Variants in LRIG1 observed in about 807,000 individuals in gnomAD.
The protein encoded by LRIG1 is leucine-rich repeats and immunoglobulin-like domains protein 1.
LRIG1 carries 48 observed loss-of-function variants against 99.2 expected under a neutral mutation model. That is an observed-to-expected ratio of 0.48 (90% CI 0.38 to 0.62). The LOEUF is 0.62. LRIG1 is among the 20% of genes least tolerant of loss of function. The probability of loss-of-function intolerance (pLI) is 0.00; values close to 1 mark genes in which losing one functional copy is unlikely to be tolerated. For missense variants in LRIG1, 1,646 were observed against 1,434.4 expected (o/e 1.15, Z -2.38); for synonymous variants, 772 against 596.1 (o/e 1.29, Z -4.30).
chr3:66,413,028 G>A lies in LRIG1; in HGVS notation c.648-14C>T, dbSNP rs1475055103. 6.2e-7 allele frequency: 1 copy of A among 1,614,090 alleles called. No individual in the cohort carries two copies. Among genetic ancestry groups the A allele is most frequent in the Admixed American group, 1.7e-5 (1 of 60,020 alleles). ...CGATTGAGGTCCCTAAAGAGATGAA[G>A]CCAGCAGGGTCAGAGTGTCTTATGT... On this transcript the variant is annotated splice_polypyrimidine_tract_variant and intron_variant, in intron 5 of 18. Coordinates refer to ENST00000273261, the MANE Select transcript of LRIG1 (RefSeq NM_015541.3).
chr3:66,475,047 A>G (rs943823300), intron 1 of LRIG1, among the ~76,000 whole-genome samples: 1 of 152,192 alleles, frequency 6.6e-6, no homozygotes, highest in African/African-American at 2.4e-5. Flanking sequence ...CCAAACAGAA[A>G]ATCCAAGCCC....
intron 1 of LRIG1, among the ~76,000 whole-genome samples, chr3:66,497,269 A>C (rs932417079): frequency 2.0e-5 from 3 of 152,228 alleles, no homozygotes; most frequent in Non-Finnish European, 4.4e-5. Context: ...TTTGTGACTA[A>C]ACACTGCTGA....
At chr3:66,446,311 G>T (rs1366397275) in intron 3 of LRIG1, among the ~76,000 whole-genome samples, 1 of 151,928 alleles carries the variant, frequency 6.6e-6, no homozygotes, top group African/African-American at 2.4e-5. Context: ...TTGGTCACAG[G>T]TAGGACACCG....
intron 1 of LRIG1, among the ~76,000 whole-genome samples, chr3:66,498,801 T>C (rs1161907185): frequency 1.3e-5 from 2 of 152,218 alleles, no homozygotes; most frequent in South Asian, 2.1e-4. Flanking sequence ...GTAGTACTTG[T>C]TCATGGAGCA....
chr3:66,380,399 CG>C lies in LRIG1; in HGVS notation c.3145del (p.Arg1049AlafsTer27). On this transcript the variant is annotated frameshift_variant, in exon 19 of 19. Coordinates refer to ENST00000273261, the MANE Select transcript of LRIG1 (RefSeq NM_015541.3). LOFTEE classifies it low-confidence loss of function (END_TRUNC). ...ASSLTSGSPE[R>X]AEAQYLLVSN... Reference sequence around the variant, plus strand: ...AACAAGCAAGTACTGGGCTTCCGCGCGCTCTGGACTGCCTGAAGTTAATGAA... The same window carrying C: ...AACAAGCAAGTACTGGGCTTCCGCGCCTCTGGACTGCCTGAAGTTAATGAA... 1.9e-6 allele frequency: 3 copies of C among 1,614,182 alleles called. No individual in the cohort carries two copies. Among genetic ancestry groups the C allele is most frequent in the Non-Finnish European group, 2.5e-6 (3 of 1,180,038 alleles).
chr3:66,447,166 A>T (rs1703758373), intron 3 of LRIG1, among the ~76,000 whole-genome samples: 1 of 152,222 alleles, frequency 6.6e-6, no homozygotes, highest in African/African-American at 2.4e-5. Context: ...TAAAAATCAC[A>T]TCATGGAGAA....
At chr3:66,382,911 C>T in intron 15 of LRIG1, 71 bp downstream of exon 15, 1 of 1,432,368 alleles carries the variant, frequency 7.0e-7, no homozygotes, top group Non-Finnish European at 9.5e-7. Context: ...GCCACTGGAA[C>T]CCGGCCCAGT....
At chr3:66,499,219 C>A (rs1387245997) in intron 1 of LRIG1, among the ~76,000 whole-genome samples, 2 of 152,070 alleles carry the variant, frequency 1.3e-5, no homozygotes, top group Non-Finnish European at 2.9e-5. Flanking sequence ...AAGTCTAATG[C>A]CTTTTTTTTC....
chr3:66,438,246 A>G (rs1703426148), intron 3 of LRIG1, among the ~76,000 whole-genome samples: 4 of 152,168 alleles, frequency 2.6e-5, no homozygotes, highest in Admixed American at 1.3e-4. Flanking sequence ...AACATAGAGC[A>G]CACAGCTCAG....
At chr3:66,483,063 A>AC (rs1173644843) in intron 1 of LRIG1, among the ~76,000 whole-genome samples, 4 of 151,774 alleles carry the variant, frequency 2.6e-5, no homozygotes, top group Admixed American at 2.0e-4. Context: ...CCCCTCCAGC[A>AC]CCCCCCGTAA....
chr3:66,385,126 C>G (rs1465549640), intron 13 of LRIG1, among the ~76,000 whole-genome samples: 1 of 152,140 alleles, frequency 6.6e-6, no homozygotes, highest in African/African-American at 2.4e-5. Flanking sequence ...GGACAGTAAA[C>G]TCTTCAAGCT....
At chr3:66,450,117 T>G (rs1703853042) in intron 3 of LRIG1, among the ~76,000 whole-genome samples, 1 of 152,218 alleles carries the variant, frequency 6.6e-6, no homozygotes, top group Admixed American at 6.5e-5. Context: ...ACCTTCCAGA[T>G]GCTGGGCCCA....
At chr3:66,405,342 C>G in intron 8 of LRIG1, 64 bp from the exon 9 acceptor site, 1 of 1,305,844 alleles carries the variant, frequency 7.7e-7, no homozygotes, top group Non-Finnish European at 1.1e-6. Context: ...CAAACTCTCA[C>G]CCAGCCTGCT....
At chr3:66,479,963 T>C (rs919847117) in intron 1 of LRIG1, among the ~76,000 whole-genome samples, 1 of 152,090 alleles carries the variant, frequency 6.6e-6, no homozygotes, top group African/African-American at 2.4e-5. Context: ...ATGCCCGAGG[T>C]ATATACTCAA....
At chr3:66,410,090 CT>C in intron 7 of LRIG1, 38 bp downstream of exon 7, 1 of 1,578,074 alleles carries the variant, frequency 6.3e-7, no homozygotes. Flanking sequence ...CAAGCAGTGT[CT>C]AAAAACACTG....
intron 1 of LRIG1, among the ~76,000 whole-genome samples, chr3:66,492,899 G>A (rs1388984019): frequency 6.6e-6 from 1 of 152,194 alleles, no homozygotes; most frequent in Admixed American, 6.5e-5. Flanking sequence ...TCAGGTACAG[G>A]TGCACAAGGA....
chr3:66,431,663 G>A (rs1462130408), intron 3 of LRIG1, among the ~76,000 whole-genome samples: 1 of 152,188 alleles, frequency 6.6e-6, no homozygotes, highest in Admixed American at 6.5e-5. Flanking sequence ...AGCTATTGTG[G>A]TTTCTGTTCC....
intron 1 of LRIG1, among the ~76,000 whole-genome samples, chr3:66,489,932 G>A (rs1057163602): frequency 1.2e-4 from 18 of 152,110 alleles, no homozygotes; most frequent in Non-Finnish European, 2.2e-4. Flanking sequence ...CCATGAAAAC[G>A]TGGTCTCCTT....
chr3:66,383,308 G>A lies in LRIG1; in HGVS notation c.2165C>T (p.Pro722Leu). 1.2e-6 allele frequency: 2 copies of A among 1,606,396 alleles called. No individual in the cohort carries two copies. The highest frequency in any genetic ancestry group is 1.7e-4 in the Middle Eastern group (1 of 6,038). The stretch of plus-strand genomic sequence containing the variant: ...GTCCCCCTTGAACCAGGTGATGCGG[G>A]GCGGAGGGTTCCCCGTGGCTTTGCA... ...LQCKATGNPP[P>L]RITWFKGDRP... Residue 722 changes from proline (P) to leucine (L), a missense_variant, in exon 15 of 19, where the codon CCC becomes CTC. Physicochemically the swap from Pro to Leu is moderately conservative, Grantham distance 98. Transcript: ENST00000273261.
Sources: allele counts gnomAD v4.1 joint callset (sites outside exome capture counted in the v4.1 genomes callset), GRCh38; gene constraint gnomAD v4.1.1; transcripts MANE v1.5; gene names NCBI Gene and HGNC (gene_info 2026-07-23, HGNC 2026-07-21).